The following UBR1 variants were observed in gnomAD, a reference collection of about 807,000 sequenced individuals.
UBR1 encodes E3 ubiquitin-protein ligase UBR1.
In UBR1, 102 loss-of-function variants were observed where a neutral mutation model predicts 242.1. That is an observed-to-expected ratio of 0.42 (90% CI 0.36 to 0.50). UBR1 has a LOEUF of 0.50. Ranked by LOEUF, UBR1 falls within the 20% of genes least tolerant of loss-of-function variation. The probability of loss-of-function intolerance (pLI) is 0.01; values close to 1 mark genes in which losing one functional copy is unlikely to be tolerated. For missense variants in UBR1, 1,772 were observed against 2,101.8 expected (o/e 0.84, Z 3.07); for synonymous variants, 675 against 684.8 (o/e 0.99, Z 0.22).
In UBR1 at chr15:43,026,685, G is replaced by A. The variant is rs570810098; in HGVS notation, c.2433-22C>T. 4 of 1,570,794 alleles carry A rather than the reference G, an allele frequency of 2.5e-6. No individual in the cohort carries two copies. In the African/African-American group the frequency reaches 4.1e-5, roughly 16 times the overall value. On this transcript the variant is annotated intron_variant, in intron 22 of 46. Transcript: ENST00000290650. Reference sequence around the variant, plus strand: ...TTTCCTAAATAGATGGAAAATACAAGATGAACTGCAGTGTTCTTGAAGTAT... The same window carrying A: ...TTTCCTAAATAGATGGAAAATACAAAATGAACTGCAGTGTTCTTGAAGTAT...
chr15:42,971,233 T>G (rs763975322), intron 39 of UBR1, among the ~76,000 whole-genome samples: 1 of 152,192 alleles, frequency 6.6e-6, no homozygotes, highest in Non-Finnish European at 1.5e-5. Flanking sequence ...AGCCAGCAGA[T>G]AGAAATTCAA....
At position 42,943,474 on chromosome 15, in the gene UBR1, AAT is replaced by A. The variant is rs1269860560; in HGVS notation, c.*1853_*1854del. On this transcript the variant is annotated 3_prime_UTR_variant, in exon 47 of 47. Coordinates refer to ENST00000290650, the MANE Select transcript of UBR1 (RefSeq NM_174916.3). ...GAATCAATCTCAATCAGTGGAACGC[AAT>A]ATGAAATGGGTTCTTTGGCAGTAAA... 6.6e-6 allele frequency: 1 copy of A among 152,620 alleles called. No individual in the cohort carries two copies. Among genetic ancestry groups the A allele is most frequent in the East Asian group, 1.9e-4 (1 of 5,200 alleles). The allele number at this position is 152,620 out of a possible 1,614,324, so 9.5% of individuals were successfully genotyped here.
At chr15:43,077,493 C>T (rs935347577) in intron 3 of UBR1, among the ~76,000 whole-genome samples, 6 of 151,018 alleles carry the variant, frequency 4.0e-5, no homozygotes, top group African/African-American at 1.5e-4. Context: ...TCTTAAGTAC[C>T]CAGGGACACA....
chr15:43,062,728 G>A (rs967773551), intron 6 of UBR1, among the ~76,000 whole-genome samples: 3 of 152,010 alleles, frequency 2.0e-5, no homozygotes, highest in Non-Finnish European at 2.9e-5. Flanking sequence ...TAAGTAGCTG[G>A]GACTACAGGA....
At chr15:43,016,244 G>A (rs1010827062) in intron 28 of UBR1, among the ~76,000 whole-genome samples, 6 of 152,210 alleles carry the variant, frequency 3.9e-5, no homozygotes, top group South Asian at 2.1e-4. Context: ...AATGCACTGT[G>A]AAAAATGAGA....
At chr15:43,014,895 C>T (rs1463222280) in intron 29 of UBR1, among the ~76,000 whole-genome samples, 24 of 150,590 alleles carry the variant, frequency 1.6e-4, no homozygotes, top group African/African-American at 5.4e-4. Flanking sequence ...GGTCAGCCCC[C>T]GCCCGGCCAG....
chr15:42,968,573 G>C (rs960628851), intron 40 of UBR1, among the ~76,000 whole-genome samples: 1 of 151,898 alleles, frequency 6.6e-6, no homozygotes, highest in Non-Finnish European at 1.5e-5. Context: ...GAACGTGCAG[G>C]TTTGTTATAT....
chr15:42,973,239 C>T (rs1401993720), intron 39 of UBR1, among the ~76,000 whole-genome samples: 1 of 152,286 alleles, frequency 6.6e-6, no homozygotes, highest in East Asian at 1.9e-4. Flanking sequence ...CTCAAGCAAT[C>T]TTCCTGCCTT....
rs1213349924 is a variant in UBR1, at chr15:43,025,375, T to A, written c.2584+6A>T. The A allele has an allele frequency of 4.4e-6, 7 of 1,607,614 alleles. No homozygotes were observed. In the African/African-American group the frequency reaches 8.0e-5, roughly 18 times the overall value. On this transcript the variant is annotated splice_donor_region_variant and intron_variant, in intron 24 of 46. Coordinates refer to ENST00000290650, the MANE Select transcript of UBR1 (RefSeq NM_174916.3). ...AAATGAGTCAATTCAGAATCTCACTTTTTACCTTCATCTTTGTTTTCTTGT... is the reference window on the plus strand; with the variant it reads ...AAATGAGTCAATTCAGAATCTCACTATTTACCTTCATCTTTGTTTTCTTGT...
intron 1 of UBR1, among the ~76,000 whole-genome samples, chr15:43,097,855 A>G (rs1298741897): frequency 6.6e-6 from 1 of 152,214 alleles, no homozygotes; most frequent in African/African-American, 2.4e-5. Context: ...CCACATCATC[A>G]GTAAGGCTGT....
chr15:42,983,144 G>A (rs2032404456), intron 37 of UBR1, among the ~76,000 whole-genome samples: 1 of 152,136 alleles, frequency 6.6e-6, no homozygotes, highest in African/African-American at 2.4e-5. Flanking sequence ...GCATGGAACT[G>A]AGTTCTGCGA....
intron 3 of UBR1, among the ~76,000 whole-genome samples, chr15:43,077,065 C>A (rs1336628363): frequency 8.9e-6 from 1 of 111,774 alleles, no homozygotes; most frequent in African/African-American, 3.2e-5. Flanking sequence ...CCGCCCCATC[C>A]GGGAGGTGAG....
chr15:42,979,754 TG>T (rs1190246001), intron 37 of UBR1, among the ~76,000 whole-genome samples: 1 of 152,040 alleles, frequency 6.6e-6, no homozygotes, highest in Non-Finnish European at 1.5e-5. Context: ...GATGGGGTTT[TG>T]CCACGTTGGC....
At chr15:43,066,419 T>G (rs1394509975) in intron 6 of UBR1, among the ~76,000 whole-genome samples, 3 of 152,236 alleles carry the variant, frequency 2.0e-5, no homozygotes, top group African/African-American at 7.2e-5. Flanking sequence ...TTGTTCTTTT[T>G]GCTTAGGATT....
chr15:43,045,666 T>A (rs1170995978), intron 14 of UBR1, among the ~76,000 whole-genome samples: 3 of 152,080 alleles, frequency 2.0e-5, no homozygotes, highest in Non-Finnish European at 4.4e-5. Context: ...AGTAAAAAAA[T>A]TTTAAATACC....
At chr15:42,970,422 T>C (rs756818296) in intron 40 of UBR1, 98 bp downstream of exon 40, 52 of 1,307,990 alleles carry the variant, frequency 4.0e-5, no homozygotes, top group Non-Finnish European at 5.2e-5. Flanking sequence ...ACTGATTATT[T>C]TTAACTGGAA....
At chr15:43,045,830 C>T (rs778050875) in intron 14 of UBR1, among the ~76,000 whole-genome samples, 3 of 152,144 alleles carry the variant, frequency 2.0e-5, no homozygotes, top group Non-Finnish European at 4.4e-5. Context: ...AAAAGGTAAT[C>T]ACTGACTGAA....
Position 43,067,932 on chromosome 15 carries a change from T to A in UBR1, c.764A>T (p.Glu255Val). ...AATGGCAGTGGTATGCAACTGGGCC[T>A]CTGCGAGCTCACAGTCAAGAGCTCT... ...LQRALDCELA[E>V]AQLHTTAIDK... Residue 255 changes from glutamate to valine, a missense_variant, in exon 6 of 47, where the codon GAG becomes GTG. Physicochemically the swap from Glu to Val is moderately radical, Grantham distance 121. This residue lies in a region of UBR1 where 734 missense variants were observed against 893.3 expected (regional missense o/e 0.82). Transcript: ENST00000290650. 1 of 1,613,982 alleles carries A rather than the reference T, an allele frequency of 6.2e-7. No homozygotes were observed. Among genetic ancestry groups the A allele is most frequent in the Non-Finnish European group, 8.5e-7 (1 of 1,179,992 alleles).
At chr15:43,083,072 T>C (rs1039251860) in intron 2 of UBR1, among the ~76,000 whole-genome samples, 2 of 152,218 alleles carry the variant, frequency 1.3e-5, no homozygotes, top group Admixed American at 6.5e-5. Context: ...TCCTATTACA[T>C]AAACAAATAT....
Sources: allele counts gnomAD v4.1 joint callset (sites outside exome capture counted in the v4.1 genomes callset), GRCh38; gene constraint gnomAD v4.1.1; regional missense constraint gnomAD v4.1.1; transcripts MANE v1.5; gene names NCBI Gene and HGNC (gene_info 2026-07-23, HGNC 2026-07-21).